The following PARD3 variants were observed in gnomAD, a reference collection of about 807,000 sequenced individuals.
The protein encoded by PARD3 is par-3 family cell polarity regulator.
In PARD3, 75 loss-of-function variants were observed where a neutral mutation model predicts 155.4. The observed-to-expected ratio is 0.48, with a 90% CI of 0.40 to 0.58. The LOEUF is 0.58. Among genes scored for constraint, PARD3 ranks in the 20% least tolerant of loss-of-function variants. The probability of loss-of-function intolerance (pLI) is 0.00; values close to 1 mark genes in which losing one functional copy is unlikely to be tolerated. For synonymous variants in PARD3, 576 were observed against 610.5 expected (o/e 0.94, Z 0.83); for missense variants, 1,642 against 1,721.7 (o/e 0.95, Z 0.82).
chr10:34,183,156 G>A (rs892056903), intron 22 of PARD3, among the ~76,000 whole-genome samples: 15 of 152,210 alleles, frequency 9.9e-5, no homozygotes, highest in Non-Finnish European at 1.2e-4. Context: ...GAGTGAATAA[G>A]TCAACGCATG....
At chr10:34,359,508 A>G (rs1369197219) in intron 13 of PARD3, among the ~76,000 whole-genome samples, 191 bp from the exon 14 acceptor site, 1 of 152,100 alleles carries the variant, frequency 6.6e-6, no homozygotes. Flanking sequence ...GCCTGTGTCT[A>G]TTTCAATCAT....
chr10:34,181,036 C>A lies in PARD3; in HGVS notation c.3420-49453G>T, dbSNP rs540090535. ...TGTGTCCTGAGGTGAGCTACTTTACCTCTCTGAGCCTTAATGTAACATGGG... is the reference window on the plus strand; with the variant it reads ...TGTGTCCTGAGGTGAGCTACTTTACATCTCTGAGCCTTAATGTAACATGGG... On this transcript the variant is annotated intron_variant, in intron 22 of 24. Transcript: ENST00000374788. 2.6e-5 allele frequency among the ~76,000 whole-genome samples: 4 copies of A among 152,280 alleles called. No individual in the cohort carries two copies. The South Asian group carries it at 8.3e-4, about 32-fold the overall frequency.
chr10:34,676,465 C>T (rs941821353), intron 2 of PARD3, among the ~76,000 whole-genome samples: 4 of 152,084 alleles, frequency 2.6e-5, no homozygotes, highest in African/African-American at 9.7e-5. Flanking sequence ...CGCAATGTCC[C>T]CATCCACACA....
chr10:34,661,377 G>T (rs1310688608), intron 2 of PARD3, among the ~76,000 whole-genome samples: 1 of 152,072 alleles, frequency 6.6e-6, no homozygotes, highest in Non-Finnish European at 1.5e-5. Context: ...AGTACCTCGG[G>T]ACATTTATAC....
chr10:34,375,094 A>ACACACACACACC (rs1491175007), intron 10 of PARD3, 92 bp from the exon 11 acceptor site: 1 of 834,674 alleles, frequency 1.2e-6, no homozygotes, highest in African/African-American at 1.7e-5. Context: ...ACACACACAC[A>ACACACACACACC]CTCTAGGACT....
At chr10:34,168,007 T>A (rs1234331491) in intron 22 of PARD3, among the ~76,000 whole-genome samples, 1 of 151,178 alleles carries the variant, frequency 6.6e-6, no homozygotes, top group Non-Finnish European at 1.5e-5. Flanking sequence ...GAAACATGAG[T>A]TTTTTTTTGA....
In PARD3 at chr10:34,701,072, A is replaced by G. The variant is rs571561319; in HGVS notation, c.121-4653T>C. On this transcript the variant is annotated intron_variant, in intron 1 of 24. Coordinates refer to ENST00000374788, the MANE Select transcript of PARD3 (RefSeq NM_001184785.2). ...TACACCAAAAAAAAAATGTTTTGTG[A>G]ATTCAGGAAGGAAAGATCACTCTCA... Among the ~76,000 whole-genome samples, 32 of 152,260 alleles carry G rather than the reference A, an allele frequency of 2.1e-4. No individual in the cohort carries two copies. The South Asian group carries it at 3.5e-3, about 17-fold the overall frequency.
intron 22 of PARD3, among the ~76,000 whole-genome samples, chr10:34,233,017 ATTTTTTTTTTTTT>A (rs3039283): frequency 1.0e-5 from 1 of 96,194 alleles, no homozygotes; most frequent in Non-Finnish European, 1.9e-5. Context: ...TCAAATGTTA[ATTTTTTTTTTTTT>A]TTTTTTTTTG....
At chr10:34,456,845 T>A (rs186208684) in intron 4 of PARD3, among the ~76,000 whole-genome samples, 1 of 152,344 alleles carries the variant, frequency 6.6e-6, no homozygotes, top group East Asian at 1.9e-4. Context: ...ATATCTTTTC[T>A]AGTCATTCTG....
chr10:34,359,897 T>C (rs1839275066), intron 13 of PARD3, among the ~76,000 whole-genome samples, 174 bp downstream of exon 13: 2 of 152,236 alleles, frequency 1.3e-5, no homozygotes, highest in Admixed American at 6.5e-5. Flanking sequence ...GTTGAAGTTA[T>C]GGACTCCATC....
At chr10:34,503,523 T>C (rs1423965541) in intron 3 of PARD3, among the ~76,000 whole-genome samples, 1 of 152,220 alleles carries the variant, frequency 6.6e-6, no homozygotes, top group East Asian at 1.9e-4. Flanking sequence ...TGTGTGTGCC[T>C]ACGTATATAT....
intron 22 of PARD3, among the ~76,000 whole-genome samples, chr10:34,244,529 A>G (rs1953815630): frequency 6.6e-6 from 1 of 152,298 alleles, no homozygotes; most frequent in Non-Finnish European, 1.5e-5. Context: ...TAAGAAATTC[A>G]CCAAGAAAAA....
rs762188846 is a variant in PARD3 at position 34,470,215 on chromosome 10, A to T, written c.452T>A (p.Leu151His). The T allele has an allele frequency of 4.3e-6, 7 of 1,612,604 alleles. No individual in the cohort carries two copies. Among genetic ancestry groups the T allele is most frequent in the African/African-American group, 4.0e-5 (3 of 74,902 alleles). ...ATTACTATCACTGACAGAAGTGGAG[A>T]GGCCAATTAGAGCTGGGTCACTACT... ...RRSSDPALIG[L>H]STSVSDSNFS... Residue 151 changes from leucine (L) to histidine (H), a missense_variant, in exon 4 of 25, where the codon CTC becomes CAC. By Grantham distance (99) the Leu-to-His change is moderately conservative. Transcript: ENST00000374788.
At chr10:34,258,010 T>C (rs1334999773) in intron 22 of PARD3, among the ~76,000 whole-genome samples, 1 of 152,240 alleles carries the variant, frequency 6.6e-6, no homozygotes. Context: ...AGCCACGTAA[T>C]TCACCCATGT....
rs556206993 is a variant in PARD3 at position 34,211,646 on chromosome 10, G to C, written c.3419+58011C>G. The stretch of plus-strand genomic sequence containing the variant: ...AATACAAAAATTAGCTGAGCATGGT[G>C]GTGGGCGCCTGTAATCCCAGCTACT... On this transcript the variant is annotated intron_variant, in intron 22 of 24. Coordinates refer to ENST00000374788, the MANE Select transcript of PARD3 (RefSeq NM_001184785.2). Among the ~76,000 whole-genome samples the C allele has an allele frequency of 2.6e-5, 4 of 152,108 alleles. No individual in the cohort carries two copies. The East Asian group carries it at 5.8e-4, about 22-fold the overall frequency.
intron 2 of PARD3, among the ~76,000 whole-genome samples, chr10:34,572,166 T>G (rs73267346): frequency 9.9e-5 from 15 of 152,226 alleles, no homozygotes; most frequent in African/African-American, 3.4e-4. Flanking sequence ...TTTGTCTCAC[T>G]AACAAAACTA....
rs181545355 is a variant in PARD3 at position 34,283,486 on chromosome 10, C to T, written c.3176+649G>A. ...TCTAATCACTTAGAAAAACGGTTTTCGAGTGCCTGCTTAGAGTAACTCTTT... is the reference window on the plus strand; with the variant it reads ...TCTAATCACTTAGAAAAACGGTTTTTGAGTGCCTGCTTAGAGTAACTCTTT... On this transcript the variant is annotated intron_variant, in intron 21 of 24. Transcript: ENST00000374788. 6.5e-4 allele frequency among the ~76,000 whole-genome samples: 99 copies of T among 152,192 alleles called. 1 individual carries two copies. The East Asian group carries it at 0.014, about 21-fold the overall frequency.
chr10:34,309,393 T>C (rs1364573454), intron 20 of PARD3, among the ~76,000 whole-genome samples: 3 of 151,662 alleles, frequency 2.0e-5, no homozygotes, highest in African/African-American at 7.3e-5. Context: ...ATCCCACCTC[T>C]ATATAAAATT....
chr10:34,459,272 TCCTCCAGCCTCAG>T (rs2077497384), intron 4 of PARD3, among the ~76,000 whole-genome samples: 1 of 152,114 alleles, frequency 6.6e-6, no homozygotes, highest in Admixed American at 6.5e-5. Context: ...GTTCACGCCA[TCCTCCAGCCTCAG>T]CCTCCAGCAC....
Sources: gnomAD v4.1 joint callset for allele counts (sites outside exome capture counted in the v4.1 genomes callset) on GRCh38, gnomAD v4.1.1 for gene constraint, MANE v1.5 for transcripts, NCBI Gene and HGNC (gene_info 2026-07-23, HGNC 2026-07-21) for gene names.